Variants in C1RL observed in about 807,000 individuals in gnomAD.
The protein encoded by C1RL is complement C1r subcomponent like.
In C1RL, 27 loss-of-function variants were observed where a neutral mutation model predicts 27.9. The ratio of observed to expected loss-of-function variants is 0.97; its 90% CI spans 0.71 to 1.33. C1RL has a LOEUF of 1.33. Among genes scored for constraint, C1RL ranks in the 40% most tolerant of loss-of-function variants. The pLI, the probability that C1RL is intolerant of heterozygous loss-of-function variation, is 0.00. For missense variants in C1RL, 563 were observed against 623.9 expected (o/e 0.90, Z 1.04); for synonymous variants, 248 against 252.1 (o/e 0.98, Z 0.15).
chr12:7,100,278 T>G (rs1314049567), intron 3 of C1RL, among the ~76,000 whole-genome samples: 2 of 152,152 alleles, frequency 1.3e-5, no homozygotes, highest in African/African-American at 4.8e-5. Flanking sequence ...AGCAAAACCG[T>G]TTTGGAGAAA....
intron 2 of C1RL, among the ~76,000 whole-genome samples, chr12:7,105,675 A>G (rs1178845761): frequency 6.6e-6 from 1 of 152,258 alleles, no homozygotes; most frequent in Non-Finnish European, 1.5e-5. Context: ...CTTGGATGAA[A>G]TAGACCCACT....
intron 2 of C1RL, among the ~76,000 whole-genome samples, chr12:7,103,062 T>C (rs1418632964): frequency 1.3e-5 from 2 of 152,228 alleles, no homozygotes; most frequent in African/African-American, 4.8e-5. Context: ...CTGGGTAAAA[T>C]TTGCGATGAA....
Position 7,099,969 on chromosome 12 carries a change from G to C in C1RL, c.548C>G (p.Ala183Gly). 6.2e-7 allele frequency: 1 copy of C among 1,614,026 alleles called. No homozygotes were observed. The highest frequency in any genetic ancestry group is 2.2e-5 in the East Asian group (1 of 44,868). ...EASRGSEAIN[A>G]PGDNPAKVQN... ...GACCTTGGCAGGGTTGTCTCCAGGT[G>C]CGTTGATGGCCTCAGAGCCCCTGCT... The change falls in exon 4 of 6, where the codon GCA becomes GGA. Residue 183 changes from alanine (A) to glycine (G), a missense_variant. Coordinates refer to ENST00000266542, the MANE Select transcript of C1RL (RefSeq NM_016546.4).
intron 2 of C1RL, 72 bp downstream of exon 2, chr12:7,108,179 C>A: frequency 1.6e-6 from 2 of 1,266,694 alleles, no homozygotes; most frequent in South Asian, 1.5e-5. Context: ...ATTCAGGGCA[C>A]CGCCACTTCC....
rs779458367 is a variant in C1RL at position 7,099,755 on chromosome 12, G to A, written c.622C>T (p.Leu208Phe). 16 of 1,583,410 alleles carry A rather than the reference G, an allele frequency of 1.0e-5. No individual in the cohort carries two copies. In the East Asian group the frequency reaches 3.2e-4, roughly 32 times the overall value. The change falls in exon 5 of 6, where the codon CTC (leucine) becomes TTC (phenylalanine). Residue 208 changes from leucine (L) to phenylalanine (F), a missense_variant. Coordinates refer to ENST00000266542, the MANE Select transcript of C1RL (RefSeq NM_016546.4). ...CAGGTCCCTGGGGTTGCACAGGTGA[G>A]TGCCCCTGTGGCGTAAATGAGGAGA... ...PYYQAAAAGA[L>F]TCATPGTWKD...
chr12:7,095,873 T>G lies in C1RL; in HGVS notation c.*518A>C. 1.0e-6 allele frequency: 1 copy of G among 959,194 alleles called. No individual in the cohort carries two copies. Among genetic ancestry groups the G allele is most frequent in the Non-Finnish European group, 1.2e-6 (1 of 806,070 alleles). 59.4% of individuals were successfully genotyped at this position (959,194 alleles called of 1,614,324 possible). On this transcript the variant is annotated 3_prime_UTR_variant, in exon 6 of 6. Transcript: ENST00000266542. Reference sequence around the variant, plus strand: ...TGAAGCACCTGGCATATAGAGGACATAAAATAAAAAAGGAGCTGTTTCTAT... The same window carrying G: ...TGAAGCACCTGGCATATAGAGGACAGAAAATAAAAAAGGAGCTGTTTCTAT...
chr12:7,101,099 C>CTCCTTCCTT lies in C1RL; in HGVS notation c.490+790_490+798dup, dbSNP rs1938607083. On this transcript the variant is annotated intron_variant, in intron 3 of 5. Coordinates refer to ENST00000266542, the MANE Select transcript of C1RL (RefSeq NM_016546.4). The stretch of plus-strand genomic sequence containing the variant: ...TTTCCTTCCTTCCTTCCCTCCTTCC[C>CTCCTTCCTT]TCCTTCCTTCCCTCCCTCCCTCCCT... Among the ~76,000 whole-genome samples, 2 of 27,998 alleles carry CTCCTTCCTT rather than the reference C, an allele frequency of 7.1e-5. 1 individual carries two copies. The highest frequency in any genetic ancestry group is 1.5e-4 in the Non-Finnish European group (2 of 13,478). The allele number at this position is 27,998 out of a possible 152,430, so 18.4% of individuals were successfully genotyped here.
In C1RL at chr12:7,095,002, G is replaced by A. The variant is rs1938386212; in HGVS notation, c.*1389C>T. ...GATAAATTTAACCTTTGACCATATA[G>A]CAACTTGACTCTTGATGCTAACAAA... On this transcript the variant is annotated 3_prime_UTR_variant, in exon 6 of 6. Coordinates refer to ENST00000266542, the MANE Select transcript of C1RL (RefSeq NM_016546.4). 2 of 1,108,050 alleles carry A rather than the reference G, an allele frequency of 1.8e-6. No homozygotes were observed. Among genetic ancestry groups the A allele is most frequent in the African/African-American group, 1.7e-5 (1 of 58,444 alleles). The allele number at this position is 1,108,050 out of a possible 1,614,324, so 68.6% of individuals were successfully genotyped here.
chr12:7,108,588 G>T, intron 1 of C1RL, 109 bp from the exon 2 acceptor site: 1 of 834,870 alleles, frequency 1.2e-6, no homozygotes, highest in Non-Finnish European at 1.8e-6. Flanking sequence ...TCGCGAGGCA[G>T]GGCTAGAAGC....
At chr12:7,101,764 G>A (rs932992574) in intron 3 of C1RL, 134 bp downstream of exon 3, 65 of 920,822 alleles carry the variant, frequency 7.1e-5, no homozygotes, top group South Asian at 3.3e-4. Context: ...CAGGGGCAGG[G>A]CTGGGATCCA....
At chr12:7,108,575 G>C (rs1229586714) in intron 1 of C1RL, 96 bp from the exon 2 acceptor site, 1 of 926,558 alleles carries the variant, frequency 1.1e-6, no homozygotes, top group East Asian at 2.6e-5. Context: ...GGACTCAGAG[G>C]CCTCGCGAGG....
intron 5 of C1RL, chr12:7,098,201 G>A (rs1391545196): frequency 1.3e-5 from 2 of 152,278 alleles, no homozygotes; most frequent in Non-Finnish European, 2.9e-5. Context: ...AACCCGGGAG[G>A]CGGAGCTTGC....
chr12:7,094,569 ATTT>A lies in C1RL; in HGVS notation c.*1819_*1821del. On this transcript the variant is annotated 3_prime_UTR_variant, in exon 6 of 6. Coordinates refer to ENST00000266542, the MANE Select transcript of C1RL (RefSeq NM_016546.4). ...CACATATAAATATAGGTATATATATATTTTTTTGCCTTGGCAGGGAGAAACTCA... is the reference window on the plus strand; with the variant it reads ...CACATATAAATATAGGTATATATATATTTTGCCTTGGCAGGGAGAAACTCA... 1 of 573,702 alleles carries A rather than the reference ATTT, an allele frequency of 1.7e-6. No individual in the cohort carries two copies. The highest frequency in any genetic ancestry group is 2.0e-6 in the Non-Finnish European group (1 of 494,800). The allele number at this position is 573,702 out of a possible 1,614,324, so 35.5% of individuals were successfully genotyped here. A position where few individuals can be genotyped will look rare whatever the true frequency, so the allele number is the denominator to read the frequency against.
chr12:7,108,230 C>A (rs754422107), intron 2 of C1RL, 21 bp downstream of exon 2: 3 of 1,486,156 alleles, frequency 2.0e-6, no homozygotes, highest in Non-Finnish European at 2.7e-6. Flanking sequence ...CCTGGCGGGA[C>A]CCCCCCCATC....
At chr12:7,098,084 G>C (rs189945413) in intron 5 of C1RL, among the ~76,000 whole-genome samples, 2 of 151,878 alleles carry the variant, frequency 1.3e-5, no homozygotes, top group African/African-American at 4.8e-5. Flanking sequence ...TGGCTAACCC[G>C]GTGAAACCCC....
At position 7,099,052 on chromosome 12, in the gene C1RL, A is replaced by T. The variant is rs35745485; in HGVS notation, c.691+634T>A. On this transcript the variant is annotated intron_variant, in intron 5 of 5. Transcript: ENST00000266542. ...CTCTACTAAAAATACAAAAAAAAAAAAAAAATAAAATAAAATAAAAAAATG... is the reference window on the plus strand; with the variant it reads ...CTCTACTAAAAATACAAAAAAAAAATAAAAATAAAATAAAATAAAAAAATG... 2.8e-5 allele frequency among the ~76,000 whole-genome samples: 4 copies of T among 143,622 alleles called. No homozygotes were observed. The South Asian group carries it at 6.4e-4, about 23-fold the overall frequency. 94.2% of individuals were successfully genotyped at this position (143,622 alleles called of 152,430 possible). A position where few individuals can be genotyped will look rare whatever the true frequency, so the allele number is the denominator to read the frequency against.
chr12:7,108,669 A>C, intron 1 of C1RL, 190 bp from the exon 2 acceptor site: 1 of 578,202 alleles, frequency 1.7e-6, no homozygotes, highest in South Asian at 2.2e-5. Context: ...CCCAATCCCT[A>C]CAGCCTCCCG....
chr12:7,094,929 A>G lies in C1RL; in HGVS notation c.*1462T>C. 2 of 1,083,450 alleles carry G rather than the reference A, an allele frequency of 1.8e-6. No individual in the cohort carries two copies. Among genetic ancestry groups the G allele is most frequent in the Non-Finnish European group, 2.3e-6 (2 of 886,722 alleles). 67.1% of individuals were successfully genotyped at this position (1,083,450 alleles called of 1,614,324 possible). A position where few individuals can be genotyped will look rare whatever the true frequency, so the allele number is the denominator to read the frequency against. On this transcript the variant is annotated 3_prime_UTR_variant, in exon 6 of 6. Coordinates refer to ENST00000266542, the MANE Select transcript of C1RL (RefSeq NM_016546.4). Reference sequence around the variant, plus strand: ...TGTACTGTATGTGGGTGTAAAAAACAGAAGTAATCACATGTATGTACAACT... The same window carrying G: ...TGTACTGTATGTGGGTGTAAAAAACGGAAGTAATCACATGTATGTACAACT...
intron 2 of C1RL, among the ~76,000 whole-genome samples, chr12:7,102,912 A>T (rs1005783726): frequency 6.6e-6 from 1 of 152,110 alleles, no homozygotes; most frequent in Non-Finnish European, 1.5e-5. Context: ...CACACAGCTC[A>T]CTGCTTAGCT....
Sources: gnomAD v4.1 joint callset for allele counts (sites outside exome capture counted in the v4.1 genomes callset) on GRCh38, gnomAD v4.1.1 for gene constraint, MANE v1.5 for transcripts, NCBI Gene and HGNC (gene_info 2026-07-23, HGNC 2026-07-21) for gene names.